CABIN1: variants seen among roughly 807,000 people sequenced by gnomAD.
CABIN1 encodes the protein calcineurin-binding protein cabin-1.
A neutral mutation model predicts 227.7 loss-of-function variants in CABIN1; 133 were observed. The observed-to-expected ratio is 0.58, with a 90% CI of 0.51 to 0.67. The LOEUF is 0.67. Among genes scored for constraint, CABIN1 ranks in the 30% least tolerant of loss-of-function variants. The probability of loss-of-function intolerance (pLI) is 0.00; values close to 1 mark genes in which losing one functional copy is unlikely to be tolerated. For missense variants in CABIN1, 2,408 were observed against 2,852.5 expected (o/e 0.84, Z 3.55); for synonymous variants, 1,086 against 1,155.1 (o/e 0.94, Z 1.21).
chr22:24,151,984 C>T (rs1181030667), intron 29 of CABIN1, among the ~76,000 whole-genome samples: 1 of 152,214 alleles, frequency 6.6e-6, no homozygotes, highest in Non-Finnish European at 1.5e-5. Context: ...CCAGTTCTGC[C>T]TCCTGGTGAT....
intron 1 of CABIN1, among the ~76,000 whole-genome samples, chr22:24,023,625 T>C (rs1221863423): frequency 2.0e-5 from 3 of 152,234 alleles, no homozygotes; most frequent in African/African-American, 7.2e-5. Flanking sequence ...ACTGTAGTTT[T>C]GATTTACATT....
intron 29 of CABIN1, among the ~76,000 whole-genome samples, chr22:24,147,178 A>G (rs758246050): frequency 3.3e-5 from 5 of 151,864 alleles, no homozygotes; most frequent in African/African-American, 1.2e-4. Context: ...TTCATTTCCC[A>G]CCACAAGTTA....
intron 16 of CABIN1, among the ~76,000 whole-genome samples, chr22:24,069,847 CAG>C (rs984129578): frequency 6.6e-6 from 1 of 152,180 alleles, no homozygotes; most frequent in Non-Finnish European, 1.5e-5. Context: ...GGTCTCACCT[CAG>C]AGAGTGGCAG....
At chr22:24,014,233 G>A (rs2035062068) in intron 1 of CABIN1, among the ~76,000 whole-genome samples, 1 of 152,168 alleles carries the variant, frequency 6.6e-6, no homozygotes, top group African/African-American at 2.4e-5. Flanking sequence ...ACTGAAAGGA[G>A]AACTACCCTC....
intron 1 of CABIN1, among the ~76,000 whole-genome samples, chr22:24,032,439 A>C (rs1004752351): frequency 1.3e-5 from 2 of 152,232 alleles, no homozygotes; most frequent in Non-Finnish European, 2.9e-5. Flanking sequence ...TAATGCTGCT[A>C]TGAACATGAG....
chr22:24,049,570 G>A (rs1215991297), intron 7 of CABIN1, among the ~76,000 whole-genome samples: 5 of 152,090 alleles, frequency 3.3e-5, no homozygotes, highest in African/African-American at 1.2e-4. Context: ...AGTGCTGCCC[G>A]AGTTCAGTGT....
intron 18 of CABIN1, 54 bp downstream of exon 18, chr22:24,072,564 C>T (rs2040168625): frequency 6.2e-7 from 1 of 1,606,296 alleles, no homozygotes; most frequent in Non-Finnish European, 8.5e-7. Flanking sequence ...TGTCCTTGCC[C>T]CTGTCCTCTG....
chr22:24,034,968 T>G (rs2036761143), intron 1 of CABIN1, among the ~76,000 whole-genome samples: 1 of 152,196 alleles, frequency 6.6e-6, no homozygotes, highest in African/African-American at 2.4e-5. Flanking sequence ...TCTAAGGCCT[T>G]GTCTTCTAGT....
chr22:24,094,644 C>T (rs576191864), intron 24 of CABIN1, among the ~76,000 whole-genome samples: 154 of 151,088 alleles, frequency 1.0e-3, no homozygotes, highest in African/African-American at 3.5e-3. Flanking sequence ...GGTGAAACCC[C>T]GTCTCTACTA....
chr22:24,013,730 AG>A (rs1285366069), intron 1 of CABIN1, among the ~76,000 whole-genome samples: 1 of 152,192 alleles, frequency 6.6e-6, no homozygotes, highest in African/African-American at 2.4e-5. Flanking sequence ...ACCCTATCCA[AG>A]ATCCCATGTT....
intron 25 of CABIN1, 135 bp from the exon 26 acceptor site, chr22:24,097,879 G>A: frequency 8.9e-7 from 1 of 1,118,100 alleles, no homozygotes; most frequent in South Asian, 1.3e-5. Context: ...TGTGACACCA[G>A]GCAGATGGGG....
At chr22:24,055,203 A>C in intron 9 of CABIN1, 44 bp downstream of exon 9, 1 of 1,598,278 alleles carries the variant, frequency 6.3e-7, no homozygotes, top group Non-Finnish European at 8.5e-7. Context: ...GACCCCGTTC[A>C]CTGAGCCCAG....
At position 24,177,791 on chromosome 22, in the gene CABIN1, T is replaced by C; in HGVS notation, c.6493T>C (p.Ser2165Pro). The C allele has an allele frequency of 6.2e-7, 1 of 1,608,006 alleles. No homozygotes were observed. The highest frequency in any genetic ancestry group is 8.5e-7 in the Non-Finnish European group (1 of 1,176,162). The change falls in exon 36 of 37, where the codon TCG becomes CCG. Residue 2165 changes from serine to proline, a missense_variant. Transcript: ENST00000263119. The surrounding 1 kb of genome is among the most constrained non-coding windows in gnomAD (Gnocchi z 4.4). Reference sequence around the variant, plus strand: ...CCTGCTCTCCCCCAAAGGCAGCATCTCGGAGGAGACCAAGCAGAAGCTGAA... The same window carrying C: ...CCTGCTCTCCCCCAAAGGCAGCATCCCGGAGGAGACCAAGCAGAAGCTGAA... ...PTLLSPKGSISEETKQKLKSA... is the reference protein window; with the variant it reads ...PTLLSPKGSIPEETKQKLKSA...
intron 29 of CABIN1, among the ~76,000 whole-genome samples, chr22:24,161,577 TG>T (rs1307351225): frequency 6.6e-6 from 1 of 152,152 alleles, no homozygotes; most frequent in Non-Finnish European, 1.5e-5. Flanking sequence ...ATCCTGCCTC[TG>T]CCTTTCCCTC....
chr22:24,055,538 G>C (rs915606020), intron 9 of CABIN1, among the ~76,000 whole-genome samples: 1 of 152,214 alleles, frequency 6.6e-6, no homozygotes, highest in Non-Finnish European at 1.5e-5. Context: ...CTTGCTGACT[G>C]TGTACATCCT....
chr22:24,136,739 GCACACA>G (rs200091743), intron 29 of CABIN1, among the ~76,000 whole-genome samples: 19 of 139,652 alleles, frequency 1.4e-4, no homozygotes, highest in South Asian at 2.3e-4. Flanking sequence ...ACACACACAC[GCACACA>G]CACACACACA....
At chr22:24,053,048 C>G (rs1363829091) in intron 8 of CABIN1, among the ~76,000 whole-genome samples, 1 of 151,210 alleles carries the variant, frequency 6.6e-6, no homozygotes, top group African/African-American at 2.4e-5. Flanking sequence ...GAATTTGAAG[C>G]ACTGTCCTTT....
intron 33 of CABIN1, among the ~76,000 whole-genome samples, chr22:24,169,197 C>T (rs1356433439): frequency 6.6e-6 from 1 of 152,104 alleles, no homozygotes; most frequent in Non-Finnish European, 1.5e-5. Flanking sequence ...CAGGGAGGGG[C>T]AGACATGGCA....
intron 10 of CABIN1, 179 bp downstream of exon 10, chr22:24,056,539 C>T (rs562433636): frequency 2.2e-5 from 14 of 641,820 alleles, no homozygotes; most frequent in Non-Finnish European, 2.9e-5. Flanking sequence ...GGATTTTTCT[C>T]GCCTCTTCCC....
Sources: allele counts gnomAD v4.1 joint callset (sites outside exome capture counted in the v4.1 genomes callset), GRCh38; gene constraint gnomAD v4.1.1; non-coding constraint Gnocchi (gnomAD v3.1); transcripts MANE v1.5; gene names NCBI Gene and HGNC (gene_info 2026-07-23, HGNC 2026-07-21).